PPP2R1B: variants seen among roughly 807,000 people sequenced by gnomAD.
The protein encoded by PPP2R1B is serine/threonine-protein phosphatase 2A 65 kDa regulatory subunit A beta isoform.
PPP2R1B carries 58 observed loss-of-function variants against 72.7 expected under a neutral mutation model. The ratio of observed to expected loss-of-function variants is 0.80; its 90% CI spans 0.65 to 0.99. The LOEUF (loss-of-function observed/expected upper bound fraction) is 0.99. Ranked by LOEUF, PPP2R1B falls within the 50% of genes least tolerant of loss-of-function variation. PPP2R1B has a pLI of 0.00. For synonymous variants in PPP2R1B, 256 were observed against 264.6 expected (o/e 0.97, Z 0.32); for missense variants, 695 against 733.6 (o/e 0.95, Z 0.61).
chr11:111,749,193 A>G (rs1268462437), intron 10 of PPP2R1B, among the ~76,000 whole-genome samples: 3 of 152,062 alleles, frequency 2.0e-5, no homozygotes, highest in African/African-American at 7.2e-5. Flanking sequence ...TTTGGCATAC[A>G]CTTAGATTAC....
At chr11:111,721,778 A>G in the PPP2R1B span, 1 of 1,419,710 alleles carries the variant, frequency 7.0e-7, no homozygotes, top group Non-Finnish European at 9.7e-7. Context: ...AAGAACTGAG[A>G]CGTTTTTCCC....
the PPP2R1B span, among the ~76,000 whole-genome samples, chr11:111,691,254 T>G: frequency 6.6e-6 from 1 of 152,296 alleles, no homozygotes; most frequent in East Asian, 1.9e-4. Context: ...CCCTTCTAAT[T>G]ATATAGAAGT....
At position 111,738,575 on chromosome 11, in the gene PPP2R1B, G is replaced by A; in HGVS notation, c.*3021C>T. 1 of 985,484 alleles carries A rather than the reference G, an allele frequency of 1.0e-6. No individual in the cohort carries two copies. Among genetic ancestry groups the A allele is most frequent in the African/African-American group, 1.7e-5 (1 of 57,370 alleles). The allele number at this position is 985,484 out of a possible 1,614,324, so 61.0% of individuals were successfully genotyped here. On this transcript the variant is annotated 3_prime_UTR_variant, in exon 15 of 15. Transcript: ENST00000527614. ...AAGGTCAGGCTGCCGTCTCTGTTGA[G>A]TCAGGACAAGTTGTCTGGCAAAGAC...
intron 8 of PPP2R1B, among the ~76,000 whole-genome samples, chr11:111,754,216 C>T (rs1248284410): frequency 2.6e-5 from 4 of 152,212 alleles, no homozygotes; most frequent in Non-Finnish European, 5.9e-5. Flanking sequence ...CATGCCTGAC[C>T]CCAAGGAATT....
the PPP2R1B span, among the ~76,000 whole-genome samples, chr11:111,703,917 G>GAACTGTGAAA: frequency 6.6e-6 from 1 of 152,172 alleles, no homozygotes; most frequent in African/African-American, 2.4e-5. Flanking sequence ...GAACTGTGAA[G>GAACTGTGAAA]GGTCATGAAC....
Position 111,749,285 on chromosome 11 carries a change from T to C in PPP2R1B, c.1339-1271A>G, listed in dbSNP as rs868975959. Reference sequence around the variant, plus strand: ...ACTTTTATTTTCCAGTTTGTTGTTGTTGTTGTTGTTGTTGTCGAGACGGAA... The same window carrying C: ...ACTTTTATTTTCCAGTTTGTTGTTGCTGTTGTTGTTGTTGTCGAGACGGAA... On this transcript the variant is annotated intron_variant, in intron 10 of 14. Transcript: ENST00000527614. 8.4e-3 allele frequency among the ~76,000 whole-genome samples: 1,276 copies of C among 151,984 alleles called. 30 individuals carry two copies. Among genetic ancestry groups the C allele is most frequent in the African/African-American group, 0.029 (1,219 of 41,444 alleles).
chr11:111,734,212 T>C (rs956805245), downstream of PPP2R1B, among the ~76,000 whole-genome samples: 2 of 152,144 alleles, frequency 1.3e-5, no homozygotes, highest in Non-Finnish European at 2.9e-5. Flanking sequence ...GCCCCAACAC[T>C]AGGTACAGAA....
At chr11:111,714,096 G>A in the PPP2R1B span, among the ~76,000 whole-genome samples, 4 of 152,298 alleles carry the variant, frequency 2.6e-5, no homozygotes, top group South Asian at 2.1e-4. Flanking sequence ...ATTGAAAGAC[G>A]GGTAGACCCA....
the PPP2R1B span, chr11:111,701,333 A>G: frequency 3.0e-6 from 4 of 1,334,784 alleles, no homozygotes; most frequent in Non-Finnish European, 4.0e-6. The surrounding 1 kb of genome is among the most constrained non-coding windows in gnomAD (Gnocchi z 4.2). Flanking sequence ...TGAGAAAATA[A>G]TAAATCCAGA....
the PPP2R1B span, among the ~76,000 whole-genome samples, chr11:111,696,800 T>C: frequency 6.6e-6 from 1 of 152,218 alleles, no homozygotes; most frequent in African/African-American, 2.4e-5. Flanking sequence ...AATGAATGAA[T>C]GTGGTTAGTA....
downstream of PPP2R1B, among the ~76,000 whole-genome samples, chr11:111,723,027 A>T (rs1269750048): frequency 6.6e-6 from 1 of 152,124 alleles, no homozygotes; most frequent in African/African-American, 2.4e-5. Flanking sequence ...AAGCTTTCAC[A>T]GTCAGTGGCC....
intron 13 of PPP2R1B, 134 bp from the exon 14 acceptor site, chr11:111,742,278 C>CA (rs1944549975): frequency 2.4e-6 from 2 of 819,596 alleles, no homozygotes; most frequent in Non-Finnish European, 3.7e-6. Context: ...GACAAATACA[C>CA]AAAATAATGT....
At chr11:111,713,676 GAT>G in the PPP2R1B span, among the ~76,000 whole-genome samples, 1 of 152,116 alleles carries the variant, frequency 6.6e-6, no homozygotes, top group East Asian at 1.9e-4. Context: ...ATTGATAAAA[GAT>G]AAAATATGGG....
the PPP2R1B span, among the ~76,000 whole-genome samples, chr11:111,690,537 C>G: frequency 6.6e-6 from 1 of 151,914 alleles, no homozygotes; most frequent in Admixed American, 6.6e-5. Context: ...TGGTTTGTTG[C>G]ACCTATCAAC....
the PPP2R1B span, among the ~76,000 whole-genome samples, chr11:111,720,214 A>T: frequency 6.6e-6 from 1 of 152,194 alleles, no homozygotes; most frequent in Non-Finnish European, 1.5e-5. Flanking sequence ...CATAGTCCCC[A>T]GGATTCATCT....
chr11:111,695,360 T>C, the PPP2R1B span, among the ~76,000 whole-genome samples: 1 of 152,214 alleles, frequency 6.6e-6, no homozygotes, highest in Non-Finnish European at 1.5e-5. Context: ...CTAGAAATCA[T>C]TTACTTTTCC....
the PPP2R1B span, among the ~76,000 whole-genome samples, chr11:111,698,517 G>A: frequency 6.6e-6 from 1 of 152,186 alleles, no homozygotes; most frequent in African/African-American, 2.4e-5. Context: ...CACAGCGGGT[G>A]GATTGCGTCA....
the PPP2R1B span, among the ~76,000 whole-genome samples, chr11:111,690,692 A>G: frequency 3.5e-5 from 5 of 143,368 alleles, no homozygotes; most frequent in African/African-American, 1.3e-4. Context: ...ACTCCCACTT[A>G]TGAGTGAGAA....
downstream of PPP2R1B, among the ~76,000 whole-genome samples, chr11:111,733,616 A>G (rs1376885525): frequency 6.6e-6 from 1 of 151,992 alleles, no homozygotes; most frequent in African/African-American, 2.4e-5. Flanking sequence ...GGCCACCCAC[A>G]TAGTTGGGGG....
Sources: allele counts gnomAD v4.1 joint callset (sites outside exome capture counted in the v4.1 genomes callset), GRCh38; gene constraint gnomAD v4.1.1; non-coding constraint Gnocchi (gnomAD v3.1); transcripts MANE v1.5; gene names NCBI Gene and HGNC (gene_info 2026-07-23, HGNC 2026-07-21).